DLG2: variants seen among roughly 807,000 people sequenced by gnomAD.
The protein encoded by DLG2 is disks large homolog 2.
DLG2 carries 45 observed loss-of-function variants against 132.5 expected under a neutral mutation model. The observed-to-expected ratio is 0.34, with a 90% CI of 0.27 to 0.44. The LOEUF is 0.44. DLG2 is among the 20% of genes least tolerant of loss of function. The pLI is 1.00. For synonymous variants in DLG2, 424 were observed against 419.6 expected, an observed-to-expected ratio of 1.01 and a Z score of -0.13; for missense variants, 1,045 against 1,196.9, an observed-to-expected ratio of 0.87 and a Z score of 1.87.
At chr11:83,515,929 A>C (rs1378339622) in intron 21 of DLG2, among the ~76,000 whole-genome samples, 1 of 152,088 alleles carries the variant, frequency 6.6e-6, no homozygotes, top group African/African-American at 2.4e-5. Flanking sequence ...TTTGCTGAGG[A>C]GTGCTTTACT....
At chr11:85,528,159 C>G (rs1383037691) in intron 3 of DLG2, among the ~76,000 whole-genome samples, 1 of 152,156 alleles carries the variant, frequency 6.6e-6, no homozygotes, top group Admixed American at 6.5e-5. Flanking sequence ...ATGACAGTTT[C>G]TTTTGCTGAG....
chr11:85,081,737 A>C (rs1296785767), intron 6 of DLG2, among the ~76,000 whole-genome samples: 1 of 152,184 alleles, frequency 6.6e-6, no homozygotes, highest in Admixed American at 6.5e-5. Context: ...TGCTGGCACC[A>C]GAATTGCCCT....
At chr11:83,472,962 T>G (rs1168996339) in intron 22 of DLG2, among the ~76,000 whole-genome samples, 185 bp from the exon 23 acceptor site, 2 of 152,148 alleles carry the variant, frequency 1.3e-5, no homozygotes, top group Non-Finnish European at 2.9e-5. Context: ...TATCAGATTT[T>G]CACAGTCATA....
chr11:83,471,855 A>G, intron 23 of DLG2, 128 bp from the exon 24 acceptor site: 1 of 716,752 alleles, frequency 1.4e-6, no homozygotes, highest in East Asian at 2.7e-5. Context: ...CACTGGATAA[A>G]TTACTCATAC....
intron 19 of DLG2, among the ~76,000 whole-genome samples, chr11:83,567,087 C>G (rs181614714): frequency 6.6e-6 from 1 of 152,154 alleles, no homozygotes; most frequent in Admixed American, 6.5e-5. Context: ...GAAATGGAAA[C>G]AGAGACATAA....
At chr11:83,819,992 A>G (rs2050304924) in intron 17 of DLG2, among the ~76,000 whole-genome samples, 1 of 152,166 alleles carries the variant, frequency 6.6e-6, no homozygotes, top group South Asian at 2.1e-4. Flanking sequence ...TCAGGTTTGA[A>G]TTCCACTTGA....
At chr11:84,881,593 T>TA (rs1181125130) in intron 6 of DLG2, among the ~76,000 whole-genome samples, 1 of 151,422 alleles carries the variant, frequency 6.6e-6, no homozygotes, top group African/African-American at 2.4e-5. Context: ...TGTTGGATGC[T>TA]TATTACCCCT....
At chr11:83,500,223 G>A (rs956688189) in intron 21 of DLG2, among the ~76,000 whole-genome samples, 1 of 151,992 alleles carries the variant, frequency 6.6e-6, no homozygotes, top group Non-Finnish European at 1.5e-5. Context: ...GATTATGCAT[G>A]TGTTCAGTAT....
intron 7 of DLG2, among the ~76,000 whole-genome samples, chr11:84,361,667 T>C (rs2098650549): frequency 6.6e-6 from 1 of 152,030 alleles, no homozygotes; most frequent in Non-Finnish European, 1.5e-5. Flanking sequence ...CAGGTACTTA[T>C]ATTTTTGTTG....
intron 9 of DLG2, among the ~76,000 whole-genome samples, chr11:84,111,579 A>G (rs2093352045): frequency 6.6e-6 from 1 of 152,232 alleles, no homozygotes; most frequent in Admixed American, 6.5e-5. Context: ...GATTGAGCTA[A>G]TAAGGAAGGG....
intron 3 of DLG2, among the ~76,000 whole-genome samples, chr11:85,555,833 C>A (rs187379806): frequency 6.6e-6 from 1 of 151,718 alleles, no homozygotes; most frequent in Admixed American, 6.6e-5. Flanking sequence ...TTGCTCCAGG[C>A]GAGTGCCCTT....
At chr11:83,857,592 C>T (rs187291006) in intron 16 of DLG2, among the ~76,000 whole-genome samples, 14 of 152,262 alleles carry the variant, frequency 9.2e-5, no homozygotes, top group Middle Eastern at 3.4e-3. Context: ...TTGTATGACA[C>T]CATAATTCCA....
intron 8 of DLG2, among the ~76,000 whole-genome samples, chr11:84,235,240 T>C (rs936105180): frequency 6.6e-6 from 1 of 152,216 alleles, no homozygotes; most frequent in Non-Finnish European, 1.5e-5. Context: ...TTGATTGATA[T>C]CTTATGTCTC....
chr11:84,275,735 G>C (rs537119581), intron 7 of DLG2, among the ~76,000 whole-genome samples: 1 of 152,296 alleles, frequency 6.6e-6, no homozygotes, highest in East Asian at 1.9e-4. Flanking sequence ...TAACAGAAGG[G>C]ATGGTAAATC....
chr11:83,984,215 T>C (rs570782169), intron 11 of DLG2, among the ~76,000 whole-genome samples: 1 of 151,396 alleles, frequency 6.6e-6, no homozygotes, highest in Non-Finnish European at 1.5e-5. Context: ...GATAGATAGA[T>C]AGATAGATAG....
chr11:83,774,890 CACTT>C (rs2153798458), intron 18 of DLG2, among the ~76,000 whole-genome samples: 1 of 152,250 alleles, frequency 6.6e-6, no homozygotes, highest in East Asian at 1.9e-4. Context: ...GGTTGTCACT[CACTT>C]GAGGTCTCAC....
At chr11:83,917,803 C>T (rs77514826) in intron 15 of DLG2, among the ~76,000 whole-genome samples, 1 of 152,164 alleles carries the variant, frequency 6.6e-6, no homozygotes, top group Non-Finnish European at 1.5e-5. Flanking sequence ...TGATAACATA[C>T]AGCATGGTTC....
intron 19 of DLG2, among the ~76,000 whole-genome samples, chr11:83,578,224 A>C (rs1483166964): frequency 6.6e-6 from 1 of 151,554 alleles, no homozygotes. Context: ...TTAAACATGT[A>C]CACTACAAAC....
intron 19 of DLG2, among the ~76,000 whole-genome samples, chr11:83,620,554 T>C (rs1453219415): frequency 1.3e-5 from 2 of 151,642 alleles, no homozygotes; most frequent in East Asian, 3.9e-4. Context: ...AAAAAGAAAA[T>C]CTAAAAGACG....
Sources: allele counts gnomAD v4.1 joint callset (sites outside exome capture counted in the v4.1 genomes callset), GRCh38; gene constraint gnomAD v4.1.1; transcripts MANE v1.5; gene names NCBI Gene and HGNC (gene_info 2026-07-23, HGNC 2026-07-21).